The following QSOX2 variants were observed in gnomAD, a reference collection of about 807,000 sequenced individuals.
QSOX2 encodes sulfhydryl oxidase 2.
QSOX2 carries 46 observed loss-of-function variants against 61.7 expected under a neutral mutation model. That is an observed-to-expected ratio of 0.75 (90% CI 0.59 to 0.95). The LOEUF is 0.95. QSOX2 is among the 40% of genes least tolerant of loss of function. The pLI is 0.00. For synonymous variants in QSOX2, 383 were observed against 388.4 expected, an observed-to-expected ratio of 0.99 and a Z score of 0.16; for missense variants, 879 against 918.9, an observed-to-expected ratio of 0.96 and a Z score of 0.56.
At position 136,218,822 on chromosome 9, in the gene QSOX2, T is replaced by C; in HGVS notation, c.957-14A>G. ...TACAGCTTCGACCTAGGACGGGATA[T>C]GGCAGCGTCAGGGAATGCCCAACCT... On this transcript the variant is annotated splice_polypyrimidine_tract_variant and intron_variant, in intron 7 of 11. Transcript: ENST00000358701. The C allele has an allele frequency of 3.7e-6, 6 of 1,610,304 alleles. No individual in the cohort carries two copies. The highest frequency in any genetic ancestry group is 1.1e-5 in the South Asian group (1 of 90,936).
In QSOX2 at chr9:136,215,262, A is replaced by T; in HGVS notation, c.1252T>A (p.Cys418Ser). The change falls in exon 10 of 12, where the codon TGT becomes AGT. Residue 418 changes from cysteine (C) to serine (S), a missense_variant. Transcript: ENST00000358701. ...CTCAACTCAGATCGGCTTCCTTGAC[A>T]TCCAACCCACTTTATGTGATTAGTA... ...FLTNHIKWVG[C>S]QGSRSELRGY... The T allele has an allele frequency of 1.2e-6, 2 of 1,614,084 alleles. No homozygotes were observed. The highest frequency in any genetic ancestry group is 1.7e-6 in the Non-Finnish European group (2 of 1,180,030).
At position 136,207,590 on chromosome 9, in the gene QSOX2, A is replaced by T. The variant is rs1373183162; in HGVS notation, c.*1138T>A. 1 of 152,378 alleles carries T rather than the reference A, an allele frequency of 6.6e-6. No individual in the cohort carries two copies. The highest frequency in any genetic ancestry group is 1.5e-5 in the Non-Finnish European group (1 of 68,044). 9.4% of individuals were successfully genotyped at this position (152,378 alleles called of 1,614,324 possible). A position where few individuals can be genotyped will look rare whatever the true frequency, so the allele number is the denominator to read the frequency against. ...ACAATGTTTAAAATTATCAAATGGT[A>T]AAAGACATCATGACAAAAGCTTGGG... On this transcript the variant is annotated 3_prime_UTR_variant, in exon 12 of 12. Coordinates refer to ENST00000358701, the MANE Select transcript of QSOX2 (RefSeq NM_181701.4).
Position 136,221,688 on chromosome 9 carries a change from G to A in QSOX2, c.821+108C>T. Reference sequence around the variant, plus strand: ...AATCTGCCCAGGGAAGCGAGGCGGAGGGGCCAGGGCTCCCCCGATCTCACA... The same window carrying A: ...AATCTGCCCAGGGAAGCGAGGCGGAAGGGCCAGGGCTCCCCCGATCTCACA... On this transcript the variant is annotated intron_variant, in intron 6 of 11. Coordinates refer to ENST00000358701, the MANE Select transcript of QSOX2 (RefSeq NM_181701.4). The surrounding 1 kb of genome is among the most constrained non-coding windows in gnomAD (Gnocchi z 4.5). The A allele has an allele frequency of 1.6e-6, 2 of 1,233,288 alleles. No homozygotes were observed. Among genetic ancestry groups the A allele is most frequent in the East Asian group, 2.6e-5 (1 of 38,124 alleles). The allele number at this position is 1,233,288 out of a possible 1,614,324, so 76.4% of individuals were successfully genotyped here.
At chr9:136,230,471 C>A (rs1830320054) in intron 1 of QSOX2, among the ~76,000 whole-genome samples, 1 of 152,208 alleles carries the variant, frequency 6.6e-6, no homozygotes, top group South Asian at 2.1e-4. Flanking sequence ...CCAGGCCTCA[C>A]AACTGCTCTG....
intron 1 of QSOX2, among the ~76,000 whole-genome samples, chr9:136,230,583 C>T (rs1247598343): frequency 2.0e-5 from 3 of 152,222 alleles, no homozygotes; most frequent in Admixed American, 6.5e-5. Flanking sequence ...CTTATCACGT[C>T]GGGCCACAAA....
rs1564288423 is a variant in QSOX2, at chr9:136,209,277, T to C, written c.1550-2A>G. 4.4e-6 allele frequency: 7 copies of C among 1,608,936 alleles called. No homozygotes were observed. The highest frequency in any genetic ancestry group is 1.3e-5 in the African/African-American group (1 of 74,694). ...ACCGGGGATCCTCACTCAGATGGCC[T>C]AGGAAGAAAAGGAAGCGGGAGAGCC... On this transcript the variant is annotated splice_acceptor_variant, in intron 11 of 11. Transcript: ENST00000358701. LOFTEE classifies it high-confidence loss of function. The surrounding 1 kb of genome is among the most constrained non-coding windows in gnomAD (Gnocchi z 5.6).
At chr9:136,243,095 G>A (rs1032447946) in intron 1 of QSOX2, among the ~76,000 whole-genome samples, 3 of 152,186 alleles carry the variant, frequency 2.0e-5, no homozygotes, top group Non-Finnish European at 2.9e-5. Context: ...AGCCTCAGCA[G>A]CAACGACACC....
chr9:136,221,316 C>T lies in QSOX2; in HGVS notation c.821+480G>A, dbSNP rs1169779175. Among the ~76,000 whole-genome samples the T allele has an allele frequency of 6.6e-6, 1 of 152,236 alleles. No individual in the cohort carries two copies. Among genetic ancestry groups the T allele is most frequent in the African/African-American group, 2.4e-5 (1 of 41,458 alleles). ...AGGCAAAGGGCTTGCCAAGGTTCTG[C>T]AGTTCTTAGAGAAAGAGCAGAACGT... On this transcript the variant is annotated intron_variant, in intron 6 of 11. Coordinates refer to ENST00000358701, the MANE Select transcript of QSOX2 (RefSeq NM_181701.4). This position sits in a 1 kb window ranked among gnomAD's most constrained non-coding sequence, Gnocchi z 4.5.
At chr9:136,233,619 A>G (rs1830351994) in intron 1 of QSOX2, among the ~76,000 whole-genome samples, 1 of 152,260 alleles carries the variant, frequency 6.6e-6, no homozygotes, top group Non-Finnish European at 1.5e-5. Context: ...GTCTGACCTC[A>G]CGGGATTTAT....
intron 1 of QSOX2, among the ~76,000 whole-genome samples, chr9:136,230,034 A>G (rs549517714): frequency 5.9e-5 from 9 of 151,820 alleles, no homozygotes; most frequent in African/African-American, 2.2e-4. Flanking sequence ...TAATCCTAGC[A>G]CTTTGGGAGG....
chr9:136,231,380 G>C (rs781293172), intron 1 of QSOX2, among the ~76,000 whole-genome samples: 65 of 152,354 alleles, frequency 4.3e-4, no homozygotes, highest in Non-Finnish European at 8.5e-4. Context: ...AAACACCTGT[G>C]GAGGAATCAT....
chr9:136,224,102 T>C lies in QSOX2; in HGVS notation c.489A>G (p.Arg163=), dbSNP rs1225828078. The part of the protein sequence containing the change: ...TTGENFKGPD[R]ELRTVRQTMI... ...TCGTCTGTCTGACTGTTCGCAGCTC[T>C]CGGTCAGGTCCTGCCGGAAGCACAC... The change falls in exon 4 of 12, where the codon CGA becomes CGG. Residue 163 remains arginine (R), a synonymous_variant. Coordinates refer to ENST00000358701, the MANE Select transcript of QSOX2 (RefSeq NM_181701.4). The C allele has an allele frequency of 1.2e-6, 2 of 1,613,840 alleles. No homozygotes were observed. Among genetic ancestry groups the C allele is most frequent in the Non-Finnish European group, 8.5e-7 (1 of 1,179,916 alleles).
rs952585160 is a variant in QSOX2, at chr9:136,208,391, T to C, written c.*337A>G. ...CGGAGTGGAGGAAACGAGATGAAAG[T>C]GTGTGGGGAAGACTATCTGGCCTGG... On this transcript the variant is annotated 3_prime_UTR_variant, in exon 12 of 12. Transcript: ENST00000358701. 11 of 185,894 alleles carry C rather than the reference T, an allele frequency of 5.9e-5. No individual in the cohort carries two copies. In the South Asian group the frequency reaches 1.1e-3, roughly 19 times the overall value. 11.5% of individuals were successfully genotyped at this position (185,894 alleles called of 1,614,324 possible).
intron 1 of QSOX2, among the ~76,000 whole-genome samples, chr9:136,231,888 C>T (rs868329300): frequency 1.2e-3 from 168 of 146,026 alleles, no homozygotes; most frequent in African/African-American, 4.0e-3. Flanking sequence ...CCCTCCACCC[C>T]CTCCACCCTC....
At chr9:136,237,019 G>C (rs1830390205) in intron 1 of QSOX2, among the ~76,000 whole-genome samples, 1 of 118,362 alleles carries the variant, frequency 8.4e-6, no homozygotes, top group African/African-American at 3.4e-5. Context: ...CTGGGCCGGT[G>C]TCACCTGGAG....
At chr9:136,245,405 G>A in intron 1 of QSOX2, 71 bp downstream of exon 1, 2 of 1,327,510 alleles carry the variant, frequency 1.5e-6, no homozygotes, top group Non-Finnish European at 2.0e-6. Flanking sequence ...GCCTTCTGGG[G>A]CGGTCGCAAG....
At position 136,208,794 on chromosome 9, in the gene QSOX2, C is replaced by T; in HGVS notation, c.2031G>A (p.Val677=). 6.2e-7 allele frequency: 1 copy of T among 1,613,964 alleles called. No individual in the cohort carries two copies. Among genetic ancestry groups the T allele is most frequent in the Non-Finnish European group, 8.5e-7 (1 of 1,180,016 alleles). The change falls in exon 12 of 12, where the codon GTG becomes GTA. Residue 677 remains valine, a synonymous_variant. Coordinates refer to ENST00000358701, the MANE Select transcript of QSOX2 (RefSeq NM_181701.4). Reference sequence around the variant, plus strand: ...ACCTCACCCGGAAGAAGAAGTACATCACCATGAGGAACAGGGATGAAGCCA... The same window carrying T: ...ACCTCACCCGGAAGAAGAAGTACATTACCATGAGGAACAGGGATGAAGCCA... ...LYVASSLFLM[V]MYFFFRVRSR... is the part of the protein sequence containing the mutation.
Position 136,223,822 on chromosome 9 carries a change from G to T in QSOX2, c.616C>A (p.Arg206Ser), listed in dbSNP as rs769744648. The change falls in exon 5 of 12, where the codon CGT becomes AGT. Residue 206 changes from arginine to serine, a missense_variant. Arg to Ser is a moderately radical substitution (Grantham distance 110, BLOSUM62 -1). Transcript: ENST00000358701. This position sits in a 1 kb window ranked among gnomAD's most constrained non-coding sequence, Gnocchi z 4.4. Reference sequence around the variant, plus strand: ...ACAATAGCCACGTAATGGCTGCCACGGTTGTCAAGAAGGGAAAGAACATCA... The same window carrying T: ...ACAATAGCCACGTAATGGCTGCCACTGTTGTCAAGAAGGGAAAGAACATCA... ...PSDVLSLLDNRGSHYVAIVFE... is the reference protein window; with the variant it reads ...PSDVLSLLDNSGSHYVAIVFE... 2 of 1,614,044 alleles carry T rather than the reference G, an allele frequency of 1.2e-6. No individual in the cohort carries two copies. The highest frequency in any genetic ancestry group is 1.7e-6 in the Non-Finnish European group (2 of 1,180,016).
intron 2 of QSOX2, 82 bp downstream of exon 2, chr9:136,226,692 C>A (rs1363311799): frequency 1.7e-6 from 2 of 1,164,326 alleles, no homozygotes; most frequent in African/African-American, 3.0e-5. Flanking sequence ...CGAATTTCAA[C>A]AGACAAGCAG....
Sources: allele counts gnomAD v4.1 joint callset (sites outside exome capture counted in the v4.1 genomes callset), GRCh38; gene constraint gnomAD v4.1.1; non-coding constraint Gnocchi (gnomAD v3.1); transcripts MANE v1.5; gene names NCBI Gene and HGNC (gene_info 2026-07-23, HGNC 2026-07-21).